GRM3: variants seen among roughly 807,000 people sequenced by gnomAD.
GRM3 encodes metabotropic glutamate receptor 3.
Under a neutral mutation model 70.5 loss-of-function variants are expected in GRM3, and 26 were observed. The observed-to-expected ratio is 0.37, with a 90% CI of 0.27 to 0.51. The LOEUF (loss-of-function observed/expected upper bound fraction) is 0.51. Ranked by LOEUF, GRM3 falls within the 20% of genes least tolerant of loss-of-function variation. The pLI is 0.93. For missense variants in GRM3, 859 were observed against 1,123.8 expected, an observed-to-expected ratio of 0.76 and a Z score of 3.37; for synonymous variants, 443 against 434.9, an observed-to-expected ratio of 1.02 and a Z score of -0.23.
chr7:86,736,518 C>G (rs1259453741), intron 1 of GRM3, among the ~76,000 whole-genome samples: 1 of 152,118 alleles, frequency 6.6e-6, no homozygotes, highest in Non-Finnish European at 1.5e-5. Context: ...GCTCTGTTGC[C>G]CAGGCTGGAG....
intron 1 of GRM3, among the ~76,000 whole-genome samples, chr7:86,657,883 T>A (rs1793786991): frequency 6.6e-6 from 1 of 152,200 alleles, no homozygotes; most frequent in African/African-American, 2.4e-5. Context: ...ATTAAGCTAA[T>A]CACTTTCCTT....
chr7:86,817,456 C>A (rs1331500466), intron 3 of GRM3, among the ~76,000 whole-genome samples: 1 of 151,850 alleles, frequency 6.6e-6, no homozygotes, highest in African/African-American at 2.4e-5. Context: ...AAATATAGCT[C>A]ATTTTCTCCA....
At chr7:86,826,175 C>T (rs1169411946) in intron 3 of GRM3, among the ~76,000 whole-genome samples, 1 of 152,150 alleles carries the variant, frequency 6.6e-6, no homozygotes, top group Non-Finnish European at 1.5e-5. Context: ...TTCACAAAAT[C>T]GGAAAATTTT....
intron 1 of GRM3, among the ~76,000 whole-genome samples, chr7:86,665,607 T>G (rs1794005298): frequency 6.6e-6 from 1 of 152,056 alleles, no homozygotes; most frequent in Admixed American, 6.6e-5. Context: ...TTCTACTTAT[T>G]TTTATGGAAT....
chr7:86,689,281 C>G (rs1794642156), intron 1 of GRM3, among the ~76,000 whole-genome samples: 2 of 151,792 alleles, frequency 1.3e-5, no homozygotes, highest in African/African-American at 4.8e-5. Context: ...AAAGTTGCCA[C>G]AAACTACTAA....
chr7:86,796,668 G>A (rs551875713), intron 3 of GRM3, among the ~76,000 whole-genome samples: 16 of 152,242 alleles, frequency 1.1e-4, no homozygotes, highest in Middle Eastern at 3.4e-3. Context: ...CCATCTTCAC[G>A]ATACTGATTC....
intron 1 of GRM3, among the ~76,000 whole-genome samples, chr7:86,694,425 T>G (rs1400644214): frequency 1.4e-5 from 2 of 140,828 alleles, no homozygotes; most frequent in African/African-American, 5.4e-5. Context: ...GGAAAGAGAA[T>G]GGTGTGAACC....
intron 4 of GRM3, among the ~76,000 whole-genome samples, chr7:86,844,857 G>A (rs1283457040): frequency 1.3e-5 from 2 of 152,030 alleles, no homozygotes; most frequent in African/African-American, 4.8e-5. Flanking sequence ...AATAGCCAGA[G>A]TATCAACACT....
chr7:86,680,667 A>T (rs951462634), intron 1 of GRM3, among the ~76,000 whole-genome samples: 1 of 152,104 alleles, frequency 6.6e-6, no homozygotes, highest in Non-Finnish European at 1.5e-5. Context: ...TTAAACACTA[A>T]ATGATTGCAG....
At chr7:86,826,604 T>A (rs1015773391) in intron 3 of GRM3, among the ~76,000 whole-genome samples, 1 of 152,152 alleles carries the variant, frequency 6.6e-6, no homozygotes, top group African/African-American at 2.4e-5. Flanking sequence ...CAAGACTAGG[T>A]AATAGTAACC....
At chr7:86,701,530 T>C (rs1794946485) in intron 1 of GRM3, among the ~76,000 whole-genome samples, 2 of 151,984 alleles carry the variant, frequency 1.3e-5, no homozygotes, top group African/African-American at 2.4e-5. Context: ...ATTTTCAACA[T>C]ATATTTCCTT....
At chr7:86,677,480 C>A (rs1333285160) in intron 1 of GRM3, among the ~76,000 whole-genome samples, 1 of 151,954 alleles carries the variant, frequency 6.6e-6, no homozygotes, top group Non-Finnish European at 1.5e-5. Flanking sequence ...TGAGGTCAAG[C>A]ATATTTGGTC....
intron 1 of GRM3, among the ~76,000 whole-genome samples, chr7:86,756,327 C>T (rs546206533): frequency 1.3e-5 from 2 of 152,262 alleles, no homozygotes; most frequent in African/African-American, 2.4e-5. Context: ...GATCCACCCA[C>T]CTTGGCCTCC....
chr7:86,753,499 A>G (rs1320262046), intron 1 of GRM3, among the ~76,000 whole-genome samples: 1 of 152,126 alleles, frequency 6.6e-6, no homozygotes, highest in East Asian at 1.9e-4. Flanking sequence ...ATATTCATAT[A>G]CACATGCATA....
intron 3 of GRM3, chr7:86,833,193 C>T (rs1798387879): frequency 2.2e-5 from 13 of 595,026 alleles, no homozygotes; most frequent in Non-Finnish European, 2.5e-5. Flanking sequence ...GGGAATTGAA[C>T]AATGAGAACA....
At position 86,838,918 on chromosome 7, in the gene GRM3, G is replaced by A. The variant is rs2116734736; in HGVS notation, c.1404G>A (p.Val468=). 2 of 1,613,742 alleles carry A rather than the reference G, an allele frequency of 1.2e-6. No individual in the cohort carries two copies. Among genetic ancestry groups the A allele is most frequent in the East Asian group, 2.2e-5 (1 of 44,860 alleles). ...GAGATGGAATGGGGCGATACAACGT[G>A]TTCAATTTCCAAAATGTAGGTGGAA... ...TFGDGMGRYN[V]FNFQNVGGKY... The change falls in exon 4 of 6, where the codon GTG becomes GTA. Residue 468 remains valine, a synonymous_variant. Transcript: ENST00000361669.
Position 86,796,355 on chromosome 7 carries a change from TA to T in GRM3, c.1324+9242del, listed in dbSNP as rs200799730. Among the ~76,000 whole-genome samples the T allele has an allele frequency of 1.6e-3, 246 of 152,282 alleles. 5 individuals carry two copies. The highest frequency in any genetic ancestry group is 0.012 in the Admixed American group (179 of 15,292). On this transcript the variant is annotated intron_variant, in intron 3 of 5. Transcript: ENST00000361669. ...CATTGCATGTTTTTGTCAGGTTTCT[TA>T]AAGATCAGATGATTGTTGATGTGTG...
intron 1 of GRM3, among the ~76,000 whole-genome samples, chr7:86,646,009 G>GTTA (rs1793459552): frequency 9.6e-6 from 1 of 104,282 alleles, no homozygotes; most frequent in Non-Finnish European, 2.0e-5. Flanking sequence ...GGGGGGGTGG[G>GTTA]GGGGGGTGGG....
At chr7:86,667,489 C>T (rs1794056438) in intron 1 of GRM3, among the ~76,000 whole-genome samples, 1 of 152,008 alleles carries the variant, frequency 6.6e-6, no homozygotes. Context: ...AAAGCTTTTA[C>T]TCATATTATC....
Sources: allele counts gnomAD v4.1 joint callset (sites outside exome capture counted in the v4.1 genomes callset), GRCh38; gene constraint gnomAD v4.1.1; transcripts MANE v1.5; gene names NCBI Gene and HGNC (gene_info 2026-07-23, HGNC 2026-07-21).